Variants in ANKRD33B observed in about 807,000 individuals in gnomAD.
The protein encoded by ANKRD33B is ankyrin repeat domain 33B.
In ANKRD33B, 6 loss-of-function variants were observed where a neutral mutation model predicts 21.5. That is an observed-to-expected ratio of 0.28 (90% confidence interval 0.15 to 0.55). The LOEUF (loss-of-function observed/expected upper bound fraction) is 0.55. Among genes scored for constraint, ANKRD33B ranks in the 20% least tolerant of loss-of-function variants. The pLI, the probability that ANKRD33B is intolerant of heterozygous loss-of-function variation, is 0.94. For missense variants in ANKRD33B, 698 were observed against 747.2 expected (o/e 0.93, Z 0.77); for synonymous variants, 347 against 342.4 (o/e 1.01, Z -0.15).
chr5:10,642,883 T>A (rs531736462), intron 3 of ANKRD33B, among the ~76,000 whole-genome samples: 44 of 152,290 alleles, frequency 2.9e-4, no homozygotes, highest in African/African-American at 9.9e-4. Flanking sequence ...TTTTTTGTTC[T>A]GTTTTTGTTT....
chr5:10,621,307 G>A (rs1263219455), intron 2 of ANKRD33B, among the ~76,000 whole-genome samples: 1 of 152,096 alleles, frequency 6.6e-6, no homozygotes, highest in African/African-American at 2.4e-5. Flanking sequence ...CTGGACTCTA[G>A]CTGTGCTCAT....
intron 1 of ANKRD33B, among the ~76,000 whole-genome samples, chr5:10,598,176 T>G (rs568697156): frequency 9.8e-5 from 15 of 152,316 alleles, no homozygotes; most frequent in African/African-American, 3.6e-4. Context: ...ACCTAGTGAC[T>G]CCTAGGAGAC....
intron 1 of ANKRD33B, among the ~76,000 whole-genome samples, chr5:10,568,429 G>T (rs1156882606): frequency 6.6e-6 from 1 of 152,224 alleles, no homozygotes; most frequent in Non-Finnish European, 1.5e-5. Context: ...TTTAATTGTT[G>T]CAGAAGGGCA....
At chr5:10,590,149 ATTAG>A (rs1390256210) in intron 1 of ANKRD33B, among the ~76,000 whole-genome samples, 2 of 152,064 alleles carry the variant, frequency 1.3e-5, no homozygotes, top group Non-Finnish European at 1.5e-5. Context: ...GCTTTTACAT[ATTAG>A]TTATTTTAAA....
intron 1 of ANKRD33B, among the ~76,000 whole-genome samples, chr5:10,571,734 G>A (rs954833333): frequency 6.6e-6 from 1 of 152,134 alleles, no homozygotes; most frequent in African/African-American, 2.4e-5. Context: ...GATTTCTGAG[G>A]TGTTTGCACC....
rs1332691552 is a variant in ANKRD33B at position 10,619,557 on chromosome 5, G to A, written c.496+1095G>A. 6.6e-6 allele frequency among the ~76,000 whole-genome samples: 1 copy of A among 152,114 alleles called. No individual in the cohort carries two copies. Among genetic ancestry groups the A allele is most frequent in the East Asian group, 1.9e-4 (1 of 5,192 alleles). ...TCATCCCCTGTGGTGGGAGTGGTCT[G>A]GGCACCCTACTTTTCAATCAAGACG... On this transcript the variant is annotated intron_variant, in intron 2 of 3. Coordinates refer to ENST00000296657, the MANE Select transcript of ANKRD33B (RefSeq NM_001164440.2). The surrounding 1 kb of genome is among the most constrained non-coding windows in gnomAD (Gnocchi z 4.5).
intron 1 of ANKRD33B, among the ~76,000 whole-genome samples, chr5:10,609,980 T>C (rs1204221392): frequency 8.6e-5 from 13 of 151,942 alleles, no homozygotes; most frequent in Non-Finnish European, 1.6e-4. Context: ...CAATGGGAAA[T>C]GGACAAAAGA....
intron 3 of ANKRD33B, among the ~76,000 whole-genome samples, chr5:10,646,239 GTGGGAGA>G (rs780527470): frequency 6.6e-6 from 1 of 152,208 alleles, no homozygotes; most frequent in Admixed American, 6.5e-5. Flanking sequence ...ACAACACTGG[GTGGGAGA>G]TGACGATGCT....
At chr5:10,602,453 T>G (rs1009359858) in intron 1 of ANKRD33B, among the ~76,000 whole-genome samples, 1 of 152,224 alleles carries the variant, frequency 6.6e-6, no homozygotes, top group Non-Finnish European at 1.5e-5. Flanking sequence ...ATCCATTGGT[T>G]TGGGTTGTAC....
At chr5:10,642,775 C>T (rs58543064) in intron 3 of ANKRD33B, among the ~76,000 whole-genome samples, 63,863 of 152,070 alleles carry the variant, frequency 0.42, 13,693 homozygotes, top group Middle Eastern at 0.56. Context: ...TGAAAAAATA[C>T]GGTTTGTTTT....
intron 1 of ANKRD33B, among the ~76,000 whole-genome samples, chr5:10,600,380 C>G (rs1735902851): frequency 6.6e-6 from 1 of 152,214 alleles, no homozygotes; most frequent in African/African-American, 2.4e-5. Flanking sequence ...ATTAATCTTG[C>G]CTGTCCTTGG....
In ANKRD33B at chr5:10,569,903, G is replaced by A. The variant is rs983073276; in HGVS notation, c.366+5070G>A. 4.6e-5 allele frequency among the ~76,000 whole-genome samples: 7 copies of A among 152,106 alleles called. No homozygotes were observed. In the South Asian group the frequency reaches 1.0e-3, roughly 23 times the overall value. ...TTTTGTTTTTTTGTTTAGAGATGGA[G>A]TCTCGCTCTGTCACCCAGTCTAGAG... On this transcript the variant is annotated intron_variant, in intron 1 of 3. Coordinates refer to ENST00000296657, the MANE Select transcript of ANKRD33B (RefSeq NM_001164440.2).
intron 1 of ANKRD33B, among the ~76,000 whole-genome samples, chr5:10,590,395 T>G (rs558242003): frequency 6.6e-6 from 1 of 152,312 alleles, no homozygotes; most frequent in African/African-American, 2.4e-5. Context: ...AGATCTGGCC[T>G]CTTTCTGGCC....
At chr5:10,594,221 CTTTTTT>C (rs10658307) in intron 1 of ANKRD33B, among the ~76,000 whole-genome samples, 1 of 83,160 alleles carries the variant, frequency 1.2e-5, no homozygotes, top group African/African-American at 4.9e-5. Flanking sequence ...ACACATCCTT[CTTTTTT>C]TTTTTTTTTT....
chr5:10,610,407 C>A (rs1014570042), intron 1 of ANKRD33B, among the ~76,000 whole-genome samples: 2 of 151,974 alleles, frequency 1.3e-5, no homozygotes, highest in East Asian at 1.9e-4. Flanking sequence ...GACAGCCCCC[C>A]CCCCGAATAA....
At chr5:10,622,957 A>G (rs530285673) in intron 2 of ANKRD33B, among the ~76,000 whole-genome samples, 1 of 152,138 alleles carries the variant, frequency 6.6e-6, no homozygotes, top group Non-Finnish European at 1.5e-5. Flanking sequence ...GCTGATTTCC[A>G]TCCAGGCTCA....
In ANKRD33B at chr5:10,655,657, C is replaced by CTA. The variant is rs911976783; in HGVS notation, c.*5545_*5546dup. On this transcript the variant is annotated 3_prime_UTR_variant, in exon 4 of 4. Coordinates refer to ENST00000296657, the MANE Select transcript of ANKRD33B (RefSeq NM_001164440.2). ...GTGCTGTGTCAGCTCCTGGACACTA[C>CTA]TAGTCTTTCACATGATAAAGCGCGA... 2 of 152,368 alleles carry CTA rather than the reference C, an allele frequency of 1.3e-5. No homozygotes were observed. The highest frequency in any genetic ancestry group is 4.8e-5 in the African/African-American group (2 of 41,450). 9.4% of individuals were successfully genotyped at this position (152,368 alleles called of 1,614,324 possible).
rs1015343540 is a variant in ANKRD33B, at chr5:10,656,609, A to G, written c.*6496A>G. On this transcript the variant is annotated 3_prime_UTR_variant, in exon 4 of 4. Transcript: ENST00000296657. Reference sequence around the variant, plus strand: ...CATGGCCCGAGGACCCACTGTGAGCACTCCGCCCGCTGTGGCACAGAACAC... The same window carrying G: ...CATGGCCCGAGGACCCACTGTGAGCGCTCCGCCCGCTGTGGCACAGAACAC... The G allele has an allele frequency of 1.3e-5, 2 of 151,996 alleles. No homozygotes were observed. The highest frequency in any genetic ancestry group is 6.6e-5 in the Admixed American group (1 of 15,256). 9.4% of individuals were successfully genotyped at this position (151,996 alleles called of 1,614,324 possible).
chr5:10,640,357 C>T lies in ANKRD33B; in HGVS notation c.637+2189C>T, dbSNP rs147610800. Among the ~76,000 whole-genome samples, 558 of 152,322 alleles carry T rather than the reference C, an allele frequency of 3.7e-3. 3 individuals carry two copies. The highest frequency in any genetic ancestry group is 0.013 in the African/African-American group (537 of 41,566). ...ATCTGTGAAATGGGAGTAATGACCTCTTTCTCCCTCACCTCCCTGAGGCTA... is the reference window on the plus strand; with the variant it reads ...ATCTGTGAAATGGGAGTAATGACCTTTTTCTCCCTCACCTCCCTGAGGCTA... On this transcript the variant is annotated intron_variant, in intron 3 of 3. Coordinates refer to ENST00000296657, the MANE Select transcript of ANKRD33B (RefSeq NM_001164440.2).
Sources: allele counts gnomAD v4.1 joint callset (sites outside exome capture counted in the v4.1 genomes callset), GRCh38; gene constraint gnomAD v4.1.1; non-coding constraint Gnocchi (gnomAD v3.1); transcripts MANE v1.5; gene names NCBI Gene and HGNC (gene_info 2026-07-23, HGNC 2026-07-21).